Variants in DNAJC1 observed in about 807,000 individuals in gnomAD.
The protein encoded by DNAJC1 is dnaJ homolog subfamily C member 1.
A neutral mutation model predicts 76.6 loss-of-function variants in DNAJC1; 58 were observed. The ratio of observed to expected loss-of-function variants is 0.76; its 90% CI spans 0.61 to 0.94. The LOEUF (loss-of-function observed/expected upper bound fraction) is 0.94. Ranked by LOEUF, DNAJC1 falls within the 40% of genes least tolerant of loss-of-function variation. DNAJC1 has a pLI of 0.00. For synonymous variants in DNAJC1, 258 were observed against 267.9 expected (o/e 0.96, Z 0.36); for missense variants, 689 against 677.3 (o/e 1.02, Z -0.19).
chr10:21,865,444 T>C (rs1287276537), intron 8 of DNAJC1: 1 of 152,148 alleles, frequency 6.6e-6, no homozygotes, highest in Non-Finnish European at 1.5e-5. Context: ...TTCAGACTTA[T>C]GCTTAGTGAA....
chr10:21,910,874 G>A (rs1470027390), intron 6 of DNAJC1, among the ~76,000 whole-genome samples: 1 of 142,768 alleles, frequency 7.0e-6, no homozygotes, highest in African/African-American at 2.6e-5. Flanking sequence ...GAGGAGAGGA[G>A]AGGAGAGGAG....
chr10:21,828,065 G>T (rs1205184108), intron 8 of DNAJC1, among the ~76,000 whole-genome samples: 1 of 152,184 alleles, frequency 6.6e-6, no homozygotes, highest in Non-Finnish European at 1.5e-5. Context: ...GCGTCAATGA[G>T]AGAACCTCTT....
At chr10:21,878,667 C>T (rs1836224546) in intron 8 of DNAJC1, among the ~76,000 whole-genome samples, 1 of 151,742 alleles carries the variant, frequency 6.6e-6, no homozygotes, top group Non-Finnish European at 1.5e-5. Context: ...GAACAATTAC[C>T]CAAAATCTTC....
chr10:21,936,237 G>T (rs114157900), intron 1 of DNAJC1, among the ~76,000 whole-genome samples: 1,947 of 152,242 alleles, frequency 0.013, 37 homozygotes, highest in African/African-American at 0.043. Context: ...CTATGAGGAA[G>T]GGGCCCTCAC....
At chr10:21,911,616 T>C (rs1464146415) in intron 6 of DNAJC1, among the ~76,000 whole-genome samples, 1 of 152,176 alleles carries the variant, frequency 6.6e-6, no homozygotes, top group African/African-American at 2.4e-5. Context: ...TTTCCATTTG[T>C]TCCAAGAGAT....
At chr10:21,968,323 C>A (rs1837922941) in intron 1 of DNAJC1, among the ~76,000 whole-genome samples, 1 of 152,102 alleles carries the variant, frequency 6.6e-6, no homozygotes, top group African/African-American at 2.4e-5. Flanking sequence ...TGAAACCTCA[C>A]AATCACCTTA....
intron 8 of DNAJC1, among the ~76,000 whole-genome samples, chr10:21,824,189 A>G (rs1835205286): frequency 6.6e-6 from 1 of 152,250 alleles, no homozygotes; most frequent in Admixed American, 6.5e-5. Context: ...CATACAGACT[A>G]AATTCACTTG....
At chr10:21,918,197 AT>A (rs1447231376) in intron 6 of DNAJC1, among the ~76,000 whole-genome samples, 3 of 151,922 alleles carry the variant, frequency 2.0e-5, no homozygotes, top group African/African-American at 7.2e-5. Flanking sequence ...ATGTAAAAAA[AT>A]AAAAGAAACT....
intron 9 of DNAJC1, among the ~76,000 whole-genome samples, chr10:21,804,398 A>C (rs1226091184): frequency 1.3e-5 from 2 of 152,068 alleles, no homozygotes; most frequent in African/African-American, 4.8e-5. Context: ...TTAAAAAATT[A>C]TTTTAGTTTC....
At chr10:21,958,667 C>A (rs1837735175) in intron 1 of DNAJC1, among the ~76,000 whole-genome samples, 1 of 152,094 alleles carries the variant, frequency 6.6e-6, no homozygotes, top group South Asian at 2.1e-4. Context: ...ACCTCGTGAT[C>A]CACCTGCCTC....
At chr10:21,776,760 A>G (rs1274950880) in intron 9 of DNAJC1, among the ~76,000 whole-genome samples, 1 of 152,182 alleles carries the variant, frequency 6.6e-6, no homozygotes, top group Non-Finnish European at 1.5e-5. Flanking sequence ...TTAACTTTTA[A>G]AAGCGAAGGT....
intron 1 of DNAJC1, among the ~76,000 whole-genome samples, chr10:21,963,341 A>G (rs1837833460): frequency 6.6e-6 from 1 of 152,218 alleles, no homozygotes; most frequent in African/African-American, 2.4e-5. Flanking sequence ...ACTTGAGATA[A>G]CTGAAGAACA....
chr10:21,922,479 A>G (rs921329169), intron 3 of DNAJC1, among the ~76,000 whole-genome samples: 1 of 152,040 alleles, frequency 6.6e-6, no homozygotes, highest in Non-Finnish European at 1.5e-5. Flanking sequence ...AATATACAAG[A>G]GTCTACAAAG....
rs550599546 is a variant in DNAJC1, at chr10:21,774,664, A to C, written c.1099-8355T>G. 5.9e-5 allele frequency among the ~76,000 whole-genome samples: 9 copies of C among 152,210 alleles called. No individual in the cohort carries two copies. The South Asian group carries it at 1.7e-3, about 28-fold the overall frequency. On this transcript the variant is annotated intron_variant, in intron 9 of 11. Transcript: ENST00000376980. Reference sequence around the variant, plus strand: ...TAATTTTTGTTGTATTTTTTAGTAGAGACAGGGTTTCACCATGTTAGCCAG... The same window carrying C: ...TAATTTTTGTTGTATTTTTTAGTAGCGACAGGGTTTCACCATGTTAGCCAG...
intron 1 of DNAJC1, among the ~76,000 whole-genome samples, chr10:21,993,610 C>T (rs1230503509): frequency 1.3e-5 from 2 of 152,058 alleles, no homozygotes; most frequent in Non-Finnish European, 2.9e-5. Context: ...GATATTACTC[C>T]ATTTTCATTT....
At chr10:21,777,124 A>G (rs1454250199) in intron 9 of DNAJC1, among the ~76,000 whole-genome samples, 1 of 152,192 alleles carries the variant, frequency 6.6e-6, no homozygotes, top group African/African-American at 2.4e-5. Context: ...TATGAGCTAA[A>G]CCAGTTCTTT....
intron 8 of DNAJC1, among the ~76,000 whole-genome samples, chr10:21,857,381 T>C (rs1835852005): frequency 6.6e-6 from 1 of 152,176 alleles, no homozygotes; most frequent in Non-Finnish European, 1.5e-5. Flanking sequence ...AAGACATGTT[T>C]CTTGGAATTT....
chr10:21,955,651 G>C (rs1381371831), intron 1 of DNAJC1, among the ~76,000 whole-genome samples: 1 of 151,968 alleles, frequency 6.6e-6, no homozygotes, highest in Non-Finnish European at 1.5e-5. Context: ...TACTTTTCTT[G>C]TAATGAGAAC....
At chr10:21,903,839 A>G (rs1836699826) in intron 7 of DNAJC1, among the ~76,000 whole-genome samples, 1 of 152,196 alleles carries the variant, frequency 6.6e-6, no homozygotes, top group South Asian at 2.1e-4. Flanking sequence ...CAGATGGTAA[A>G]CAAAACTAAT....
Sources: gnomAD v4.1 joint callset for allele counts (sites outside exome capture counted in the v4.1 genomes callset) on GRCh38, gnomAD v4.1.1 for gene constraint, MANE v1.5 for transcripts, NCBI Gene and HGNC (gene_info 2026-07-23, HGNC 2026-07-21) for gene names.